Variants in MAMLD1 observed in about 807,000 individuals in gnomAD.
The protein encoded by MAMLD1 is mastermind-like domain-containing protein 1.
In MAMLD1, 14 loss-of-function variants were observed where a neutral mutation model predicts 45.0. The observed-to-expected ratio is 0.31, with a 90% CI of 0.21 to 0.49. The LOEUF (loss-of-function observed/expected upper bound fraction) is 0.49, where lower values mean the gene tolerates loss of function less well. MAMLD1 is among the 20% of genes least tolerant of loss of function. The pLI is 0.99. For missense variants in MAMLD1, 543 were observed against 603.6 expected, an observed-to-expected ratio of 0.90 and a Z score of 1.05; for synonymous variants, 254 against 247.8, an observed-to-expected ratio of 1.02 and a Z score of -0.24.
chrX:150,365,827 G>A (rs961708404), intron 1 of MAMLD1, among the ~76,000 whole-genome samples: 42 of 112,764 alleles, frequency 3.7e-4, no homozygotes, highest in Non-Finnish European at 6.9e-4. Flanking sequence ...CTGCGCGCTG[G>A]CCTGCTGCCT....
rs1184454006 is a variant in MAMLD1 at position 150,469,878 on chromosome X, G to A, written c.305G>A (p.Ser102Asn). The change falls in exon 4 of 8, where the codon AGT (serine) becomes AAT (asparagine). Residue 102 changes from serine to asparagine, a missense_variant. By Grantham distance (46) the Ser-to-Asn change is conservative. Coordinates refer to ENST00000370401, the MANE Select transcript of MAMLD1 (RefSeq NM_005491.5). ...TLAMGPGAHP[S>N]TACAELQVPP... ...GCAATGGGCCCAGGTGCTCATCCTA[G>A]TACTGCTTGTGCAGAACTGCAGGTC... 8.3e-7 allele frequency: 1 copy of A among 1,211,793 alleles called. No homozygotes were observed. The highest frequency in any genetic ancestry group is 1.1e-6 in the Non-Finnish European group (1 of 895,549).
chrX:150,482,874 T>C (rs1557407410), intron 5 of MAMLD1, among the ~76,000 whole-genome samples: 1 of 112,591 alleles, frequency 8.9e-6, no homozygotes, highest in African/African-American at 3.2e-5. Flanking sequence ...AAGAAGTGAC[T>C]GTAAACAAGA....
At chrX:150,471,638 G>A (rs782536247) in intron 4 of MAMLD1, 148 bp downstream of exon 4, 1 of 951,341 alleles carries the variant, frequency 1.1e-6, no homozygotes, top group African/African-American at 1.9e-5. Flanking sequence ...ACTGAAGTCA[G>A]CTAATCCTGT....
chrX:150,403,878 G>A (rs915808718), intron 1 of MAMLD1, among the ~76,000 whole-genome samples: 1 of 67,872 alleles, frequency 1.5e-5, no homozygotes, highest in African/African-American at 4.9e-5. Context: ...AAGAAAGAAA[G>A]GAAAGAAAGA....
intron 5 of MAMLD1, among the ~76,000 whole-genome samples, chrX:150,486,280 G>A (rs987901234): frequency 5.4e-5 from 6 of 111,930 alleles, no homozygotes; most frequent in East Asian, 5.6e-4. Flanking sequence ...CCCATTCAGA[G>A]AGCAGGAGAA....
intron 2 of MAMLD1, 62 bp downstream of exon 2, chrX:150,445,674 T>A: frequency 1.2e-6 from 1 of 863,884 alleles, no homozygotes; most frequent in Non-Finnish European, 1.7e-6. Context: ...AACTTGAACG[T>A]AAGATGTGTT....
At chrX:150,402,397 G>A (rs1340862505) in intron 1 of MAMLD1, among the ~76,000 whole-genome samples, 8 of 107,227 alleles carry the variant, frequency 7.5e-5, no homozygotes, top group Non-Finnish European at 1.5e-4. Flanking sequence ...AGTTAGAATG[G>A]CGATCATTAA....
rs142319986 is a variant in MAMLD1 at position 150,470,082 on chromosome X, C to T, written c.509C>T (p.Pro170Leu). 64 of 1,209,760 alleles carry T rather than the reference C, an allele frequency of 5.3e-5. No homozygotes were observed. The African/African-American group carries it at 5.6e-4, about 11-fold the overall frequency. ...VPYYEKINSV[P>L]AVDQELQELL... ...TACTATGAGAAAATCAACAGCGTGCCGGCTGTAGACCAGGAGCTTCAAGAG... is the reference window on the plus strand; with the variant it reads ...TACTATGAGAAAATCAACAGCGTGCTGGCTGTAGACCAGGAGCTTCAAGAG... The change falls in exon 4 of 8, where the codon CCG (proline) becomes CTG (leucine). Residue 170 changes from proline (P) to leucine (L), a missense_variant. Physicochemically the swap from Pro to Leu is moderately conservative, Grantham distance 98 (BLOSUM62 -3). Transcript: ENST00000370401.
chrX:150,477,626 C>T (rs1444335506), intron 5 of MAMLD1, among the ~76,000 whole-genome samples: 1 of 111,822 alleles, frequency 8.9e-6, no homozygotes, highest in Non-Finnish European at 1.9e-5. Context: ...TGCCCCTGAC[C>T]GTGGGTAGGG....
chrX:150,484,455 T>C (rs782554297), intron 5 of MAMLD1, among the ~76,000 whole-genome samples: 1 of 112,480 alleles, frequency 8.9e-6, no homozygotes, highest in East Asian at 2.8e-4. Context: ...TAGTTCAAGA[T>C]TGATACAGAT....
At chrX:150,498,093 A>AATT (rs1199871580) in intron 5 of MAMLD1, among the ~76,000 whole-genome samples, 1 of 110,763 alleles carries the variant, frequency 9.0e-6, no homozygotes, top group African/African-American at 3.3e-5. Flanking sequence ...CATCATCATC[A>AATT]ATTATTATTA....
chrX:150,403,941 A>AAAGAAAG (rs1407808442), intron 1 of MAMLD1, among the ~76,000 whole-genome samples: 2 of 7,360 alleles, frequency 2.7e-4, no homozygotes, highest in Non-Finnish European at 6.0e-4. Context: ...GAAAGAAAGA[A>AAAGAAAG]AAGAAAGAAA....
At position 150,368,276 on chromosome X, in the gene MAMLD1, A is replaced by C. The variant is rs1223471180; in HGVS notation, c.-64+4746A>C. 1.2e-3 allele frequency among the ~76,000 whole-genome samples: 129 copies of C among 110,832 alleles called. 2 individuals are homozygous for C. Among genetic ancestry groups the C allele is most frequent in the African/African-American group, 4.0e-3 (123 of 30,512 alleles). On this transcript the variant is annotated intron_variant, in intron 1 of 7. Transcript: ENST00000370401. The stretch of plus-strand genomic sequence containing the variant: ...TCTAACTGGTGTGAGATGGTATCTC[A>C]TTGTGGTTTTGATTTGCATTTCTCT...
At chrX:150,463,293 G>C (rs16996609) in intron 3 of MAMLD1, among the ~76,000 whole-genome samples, 11,486 of 111,409 alleles carry the variant, frequency 0.1, 521 homozygotes, top group Non-Finnish European at 0.13. Flanking sequence ...ACTAATGACA[G>C]AACCTGGGAA....
chrX:150,492,334 A>G (rs2037213665), intron 5 of MAMLD1, among the ~76,000 whole-genome samples: 1 of 112,855 alleles, frequency 8.9e-6, no homozygotes, highest in Non-Finnish European at 1.9e-5. Context: ...GAACTCAGAA[A>G]TACACGGTAC....
intron 1 of MAMLD1, among the ~76,000 whole-genome samples, chrX:150,371,668 G>A (rs1052780661): frequency 8.9e-6 from 1 of 112,081 alleles, no homozygotes; most frequent in South Asian, 3.7e-4. Flanking sequence ...CACCCCACAA[G>A]TAATGCATTT....
chrX:150,466,109 G>A lies in MAMLD1; in HGVS notation c.171+3263G>A, dbSNP rs782238664. On this transcript the variant is annotated intron_variant, in intron 3 of 7. Transcript: ENST00000370401. ...CAGGGGAAAGCCCAGCCAACTTCTC[G>A]CAGTTGAGATGAGTAACAGATCATG... Among the ~76,000 whole-genome samples, 361 of 112,768 alleles carry A rather than the reference G, an allele frequency of 3.2e-3. 2 individuals carry two copies. The highest frequency in any genetic ancestry group is 4.9e-3 in the Non-Finnish European group (263 of 53,297).
intron 1 of MAMLD1, among the ~76,000 whole-genome samples, chrX:150,417,159 C>G (rs1345236972): frequency 9.1e-6 from 1 of 110,227 alleles, no homozygotes; most frequent in East Asian, 2.8e-4. Flanking sequence ...ATCCCTCCCC[C>G]CTACCCCACC....
chrX:150,426,139 T>C (rs1030967248), intron 1 of MAMLD1, among the ~76,000 whole-genome samples: 3 of 111,550 alleles, frequency 2.7e-5, no homozygotes, highest in Non-Finnish European at 5.7e-5. Context: ...TGGGCTCTTC[T>C]GCTTCTCCCA....
Sources: gnomAD v4.1 joint callset for allele counts (sites outside exome capture counted in the v4.1 genomes callset) on GRCh38, gnomAD v4.1.1 for gene constraint, MANE v1.5 for transcripts, NCBI Gene and HGNC (gene_info 2026-07-23, HGNC 2026-07-21) for gene names.